Variants in UIMC1 observed in about 807,000 individuals in gnomAD.
The protein encoded by UIMC1 is ubiquitin interaction motif containing 1.
In UIMC1, 42 loss-of-function variants were observed where a neutral mutation model predicts 84.9. The ratio of observed to expected loss-of-function variants is 0.49; its 90% CI spans 0.39 to 0.64. The LOEUF is 0.64. UIMC1 is among the 30% of genes least tolerant of loss of function. The pLI is 0.00. For synonymous variants in UIMC1, 281 were observed against 293.0 expected (o/e 0.96, Z 0.42); for missense variants, 825 against 847.6 (o/e 0.97, Z 0.33).
At chr5:176,987,569 C>T (rs1772214198) in intron 1 of UIMC1, among the ~76,000 whole-genome samples, 1 of 152,078 alleles carries the variant, frequency 6.6e-6, no homozygotes. Flanking sequence ...AAAAGGACTG[C>T]TTGAACCCAG....
At chr5:176,931,551 A>G (rs559036675) in intron 10 of UIMC1, among the ~76,000 whole-genome samples, 1 of 152,328 alleles carries the variant, frequency 6.6e-6, no homozygotes, top group South Asian at 2.1e-4. Context: ...GGGAAGTGTA[A>G]AAGCACTGAG....
At chr5:176,981,834 A>G (rs899264435) in intron 2 of UIMC1, among the ~76,000 whole-genome samples, 7 of 152,174 alleles carry the variant, frequency 4.6e-5, no homozygotes, top group Admixed American at 1.3e-4. Context: ...TCTGAAGGAA[A>G]AAACAATGAC....
chr5:176,925,054 A>C (rs960735386), intron 10 of UIMC1, among the ~76,000 whole-genome samples: 17 of 151,946 alleles, frequency 1.1e-4, no homozygotes, highest in Admixed American at 3.3e-4. Context: ...AAAAGAAAGC[A>C]AAAGAAAATG....
chr5:176,996,817 G>C (rs1269895808), intron 1 of UIMC1, among the ~76,000 whole-genome samples: 1 of 152,144 alleles, frequency 6.6e-6, no homozygotes, highest in Non-Finnish European at 1.5e-5. Flanking sequence ...GTGGCCAATT[G>C]CCTGCCATTG....
chr5:176,906,180 C>T (rs1759343005), intron 13 of UIMC1, 133 bp from the exon 14 acceptor site: 1 of 762,362 alleles, frequency 1.3e-6, no homozygotes, highest in Non-Finnish European at 2.1e-6. Context: ...GATCCCCAAT[C>T]CCCTAAACCC....
intron 10 of UIMC1, among the ~76,000 whole-genome samples, chr5:176,913,480 C>T (rs930878840): frequency 6.6e-6 from 1 of 152,192 alleles, no homozygotes; most frequent in African/African-American, 2.4e-5. Context: ...ATATGTGTAG[C>T]ACCCCAAACA....
intron 10 of UIMC1, among the ~76,000 whole-genome samples, chr5:176,939,256 CAAAAAAAAAAAAAA>C (rs61615337): frequency 1.4e-5 from 1 of 71,886 alleles, no homozygotes; most frequent in Non-Finnish European, 2.8e-5. Context: ...GATCCTGTCT[CAAAAAAAAAAAAAA>C]AAGAAAAAAA....
At chr5:176,953,261 A>G (rs1766122483) in intron 8 of UIMC1, among the ~76,000 whole-genome samples, 1 of 152,138 alleles carries the variant, frequency 6.6e-6, no homozygotes, top group Non-Finnish European at 1.5e-5. Flanking sequence ...CCCAAACTAA[A>G]ACCAGACATT....
At chr5:176,938,531 G>C (rs1169652031) in intron 10 of UIMC1, among the ~76,000 whole-genome samples, 2 of 152,202 alleles carry the variant, frequency 1.3e-5, no homozygotes, top group African/African-American at 2.4e-5. Context: ...AACATGCAGA[G>C]AGTAGAATGG....
At chr5:176,958,776 C>G (rs1436407878) in intron 6 of UIMC1, among the ~76,000 whole-genome samples, 1 of 152,190 alleles carries the variant, frequency 6.6e-6, no homozygotes, top group African/African-American at 2.4e-5. Context: ...ATAGGGACTA[C>G]ATAAGGAAAG....
chr5:176,949,347 C>T (rs1333665454), intron 9 of UIMC1, among the ~76,000 whole-genome samples: 2 of 152,142 alleles, frequency 1.3e-5, no homozygotes, highest in Non-Finnish European at 2.9e-5. Flanking sequence ...GTAGCACAGA[C>T]GTGTACACCA....
chr5:177,010,406 A>G (rs1775521024), upstream of UIMC1, among the ~76,000 whole-genome samples: 1 of 152,226 alleles, frequency 6.6e-6, no homozygotes, highest in Non-Finnish European at 1.5e-5. Flanking sequence ...TGATATGCTC[A>G]TTGTGATGCC....
chr5:176,964,982 T>C (rs1386921265), intron 6 of UIMC1, among the ~76,000 whole-genome samples: 2 of 152,152 alleles, frequency 1.3e-5, no homozygotes, highest in Non-Finnish European at 2.9e-5. Flanking sequence ...AGCTATAGAA[T>C]CAGTGTCTTC....
intron 9 of UIMC1, among the ~76,000 whole-genome samples, chr5:176,947,319 G>T (rs1241757982): frequency 2.0e-5 from 3 of 151,998 alleles, no homozygotes; most frequent in Non-Finnish European, 4.4e-5. Context: ...ATGCAGTCAG[G>T]GATTTCTTTG....
chr5:176,965,475 AT>A (rs1314394449), intron 6 of UIMC1, among the ~76,000 whole-genome samples: 1 of 151,860 alleles, frequency 6.6e-6, no homozygotes, highest in Non-Finnish European at 1.5e-5. Flanking sequence ...TCCTCTTTTA[AT>A]TTTTTTATTT....
intron 13 of UIMC1, 124 bp from the exon 14 acceptor site, chr5:176,906,171 A>G: frequency 1.2e-6 from 1 of 824,548 alleles, no homozygotes; most frequent in Non-Finnish European, 1.9e-6. Flanking sequence ...GGTAGCACAG[A>G]TCCCCAATCC....
intron 10 of UIMC1, among the ~76,000 whole-genome samples, chr5:176,916,333 A>T (rs1288304474): frequency 6.6e-6 from 1 of 152,242 alleles, no homozygotes; most frequent in Non-Finnish European, 1.5e-5. Context: ...AACACTAAAC[A>T]TATGACCATT....
intron 10 of UIMC1, among the ~76,000 whole-genome samples, chr5:176,941,705 A>G (rs908967559): frequency 6.6e-6 from 1 of 152,228 alleles, no homozygotes; most frequent in Non-Finnish European, 1.5e-5. Flanking sequence ...GTTAGACCAC[A>G]GAGAGCTGTG....
chr5:176,942,065 G>T (rs994183713), intron 10 of UIMC1, among the ~76,000 whole-genome samples: 1 of 151,986 alleles, frequency 6.6e-6, no homozygotes, highest in African/African-American at 2.4e-5. Context: ...GGCTGGTCTC[G>T]AACTCCTGAC....
Sources: allele counts gnomAD v4.1 joint callset (sites outside exome capture counted in the v4.1 genomes callset), GRCh38; gene constraint gnomAD v4.1.1; transcripts MANE v1.5; gene names NCBI Gene and HGNC (gene_info 2026-07-23, HGNC 2026-07-21).